Variants in CCDC126 observed in about 807,000 individuals in gnomAD.
CCDC126 encodes the protein coiled-coil domain-containing protein 126.
A neutral mutation model predicts 11.7 loss-of-function variants in CCDC126; 5 were observed. The observed-to-expected ratio is 0.43, with a 90% CI of 0.22 to 0.90. CCDC126 has a LOEUF of 0.90. Among genes scored for constraint, CCDC126 ranks in the 40% least tolerant of loss-of-function variants. The probability of loss-of-function intolerance (pLI) is 0.27; values close to 1 mark genes in which losing one functional copy is unlikely to be tolerated. For synonymous variants in CCDC126, 60 were observed against 61.9 expected (o/e 0.97, Z 0.14); for missense variants, 150 against 163.1 (o/e 0.92, Z 0.44).
chr7:23,639,056 A>G (rs1414158972), intron 3 of CCDC126, among the ~76,000 whole-genome samples: 1 of 152,014 alleles, frequency 6.6e-6, no homozygotes, highest in East Asian at 1.9e-4. Flanking sequence ...ATTGAAAGGT[A>G]TTAATAAATA....
chr7:23,625,224 A>G (rs534916820), intron 3 of CCDC126, among the ~76,000 whole-genome samples: 16 of 152,118 alleles, frequency 1.1e-4, no homozygotes, highest in Middle Eastern at 6.8e-3. Context: ...TGTGTGTTTT[A>G]TTTAGTGCTG....
At chr7:23,642,802 G>T in intron 3 of CCDC126, 129 bp from the exon 4 acceptor site, 1 of 666,138 alleles carries the variant, frequency 1.5e-6, no homozygotes, top group Non-Finnish European at 2.5e-6. Context: ...TTTGTAGTAT[G>T]AGTGCATTCT....
chr7:23,631,627 G>A (rs1783116633), intron 3 of CCDC126, among the ~76,000 whole-genome samples: 1 of 152,040 alleles, frequency 6.6e-6, no homozygotes, highest in Admixed American at 6.6e-5. Context: ...CGGGCGTGGT[G>A]GTGTGCACCT....
chr7:23,606,688 G>A (rs772270036), intron 2 of CCDC126, among the ~76,000 whole-genome samples: 3 of 152,168 alleles, frequency 2.0e-5, no homozygotes, highest in Admixed American at 6.5e-5. Context: ...GACTTCTGCA[G>A]TTGGTTGAGC....
At chr7:23,622,292 T>A (rs1286029456) in intron 3 of CCDC126, among the ~76,000 whole-genome samples, 5 of 152,244 alleles carry the variant, frequency 3.3e-5, no homozygotes, top group Non-Finnish European at 2.9e-5. Flanking sequence ...ATTCAGCTTC[T>A]TCCTGGTTAG....
intron 3 of CCDC126, among the ~76,000 whole-genome samples, chr7:23,640,140 T>C (rs1479237162): frequency 2.0e-5 from 3 of 148,884 alleles, no homozygotes; most frequent in African/African-American, 7.5e-5. Context: ...CCGAAATTGC[T>C]CCAGTGCACT....
chr7:23,612,891 T>C (rs1030858388), intron 3 of CCDC126, among the ~76,000 whole-genome samples: 3 of 152,234 alleles, frequency 2.0e-5, no homozygotes, highest in Non-Finnish European at 4.4e-5. Context: ...AAGTTTCTTA[T>C]CATGACATGT....
intron 2 of CCDC126, chr7:23,598,630 T>C (rs1015076744): frequency 2.0e-5 from 3 of 152,246 alleles, no homozygotes; most frequent in Admixed American, 6.5e-5. Context: ...CAGTCCTGCC[T>C]CTGGGCTTCA....
chr7:23,600,076 C>T (rs527517478), intron 2 of CCDC126, among the ~76,000 whole-genome samples: 2 of 152,206 alleles, frequency 1.3e-5, no homozygotes, highest in Non-Finnish European at 2.9e-5. Flanking sequence ...TGAGCCACCA[C>T]GCCAGGCCAT....
chr7:23,618,261 AT>A (rs1185806341), intron 3 of CCDC126, among the ~76,000 whole-genome samples: 2 of 152,008 alleles, frequency 1.3e-5, no homozygotes, highest in African/African-American at 4.8e-5. Flanking sequence ...GTTGAACTTA[AT>A]CTCCACCCCT....
chr7:23,624,029 G>A (rs1483484473), intron 3 of CCDC126, among the ~76,000 whole-genome samples: 2 of 152,084 alleles, frequency 1.3e-5, no homozygotes, highest in African/African-American at 4.8e-5. Flanking sequence ...ACCTTTCGGG[G>A]TAGGATTCTG....
In CCDC126 at chr7:23,622,473, C is replaced by G. The variant is rs566315412; in HGVS notation, c.238+10920C>G. ...GCGTCTATTTGACTCTTCTCTGATA[C>G]CAACTTTATCAACTTTTCCTTAAAA... On this transcript the variant is annotated intron_variant, in intron 3 of 3. Coordinates refer to ENST00000307471, the MANE Select transcript of CCDC126 (RefSeq NM_138771.4). The G allele has an allele frequency of 6.1e-4, 259 of 426,196 alleles. 2 individuals carry two copies. Among genetic ancestry groups the G allele is most frequent in the Non-Finnish European group, 1.1e-3 (235 of 212,182 alleles). The allele number at this position is 426,196 out of a possible 1,614,324, so 26.4% of individuals were successfully genotyped here. A position where few individuals can be genotyped will look rare whatever the true frequency, so the allele number is the denominator to read the frequency against.
At chr7:23,626,661 C>A (rs1257258523) in intron 3 of CCDC126, among the ~76,000 whole-genome samples, 1 of 152,038 alleles carries the variant, frequency 6.6e-6, no homozygotes, top group African/African-American at 2.4e-5. Flanking sequence ...CTCCTCCCAC[C>A]CTCCCCACTC....
At chr7:23,603,296 T>A (rs1448009761) in intron 2 of CCDC126, among the ~76,000 whole-genome samples, 2 of 152,262 alleles carry the variant, frequency 1.3e-5, no homozygotes, top group African/African-American at 4.8e-5. Context: ...GAATACAGTT[T>A]ACTTGAAACT....
At position 23,611,474 on chromosome 7, in the gene CCDC126, C is replaced by T. The variant is rs1383498548; in HGVS notation, c.159C>T (p.Ser53=). ...VKLREQILDL[S]KRYVKALAEE... ...TACGTGAGCAAATACTAGACTTAAG[C>T]AAAAGATATGTTAAAGCTCTAGCAG... The change falls in exon 3 of 4, where the codon AGC becomes AGT. Residue 53 remains serine (S), a synonymous_variant. Transcript: ENST00000307471. 2 of 1,613,722 alleles carry T rather than the reference C, an allele frequency of 1.2e-6. No individual in the cohort carries two copies. Among genetic ancestry groups the T allele is most frequent in the Non-Finnish European group, 1.7e-6 (2 of 1,179,866 alleles).
intron 3 of CCDC126, among the ~76,000 whole-genome samples, chr7:23,640,992 G>GTT (rs70954400): frequency 8.1e-5 from 10 of 123,244 alleles, no homozygotes; most frequent in East Asian, 4.7e-4. Flanking sequence ...AATCCTTTTG[G>GTT]TTTTTTTTTT....
chr7:23,606,422 A>G (rs1273748409), intron 2 of CCDC126, among the ~76,000 whole-genome samples: 1 of 152,084 alleles, frequency 6.6e-6, no homozygotes, highest in African/African-American at 2.4e-5. Flanking sequence ...TTTATTGGCA[A>G]AATGTCTTCG....
chr7:23,626,148 GT>G (rs1012622608), intron 3 of CCDC126, among the ~76,000 whole-genome samples: 1 of 150,970 alleles, frequency 6.6e-6, no homozygotes, highest in African/African-American at 2.4e-5. Flanking sequence ...GCTTTTTGTT[GT>G]TTTTTGTTTG....
intron 3 of CCDC126, among the ~76,000 whole-genome samples, chr7:23,639,006 A>G (rs1210879586): frequency 6.6e-6 from 1 of 151,804 alleles, no homozygotes; most frequent in Non-Finnish European, 1.5e-5. Context: ...TTTAAAAAAT[A>G]TGATTATCTC....
Sources: allele counts gnomAD v4.1 joint callset (sites outside exome capture counted in the v4.1 genomes callset), GRCh38; gene constraint gnomAD v4.1.1; transcripts MANE v1.5; gene names NCBI Gene and HGNC (gene_info 2026-07-23, HGNC 2026-07-21).